Variants in DPP6 observed in about 807,000 individuals in gnomAD.
DPP6 encodes the protein dipeptidyl peptidase like 6, also known as A-type potassium channel modulatory protein DPP6.
In DPP6, 69 loss-of-function variants were observed where a neutral mutation model predicts 122.6. The ratio of observed to expected loss-of-function variants is 0.56; its 90% CI spans 0.46 to 0.69. The LOEUF is 0.69. Ranked by LOEUF, DPP6 falls within the 30% of genes least tolerant of loss-of-function variation. The pLI, the probability that DPP6 is intolerant of heterozygous loss-of-function variation, is 0.00. For missense variants in DPP6, 928 were observed against 1,116.9 expected (o/e 0.83, Z 2.41); for synonymous variants, 418 against 433.1 (o/e 0.97, Z 0.43).
Position 154,328,989 on chromosome 7 carries a change from G to A in DPP6, c.244-117225G>A, listed in dbSNP as rs79703811. Among the ~76,000 whole-genome samples, 171 of 152,324 alleles carry A rather than the reference G, an allele frequency of 1.1e-3. 4 individuals carry two copies. The East Asian group carries it at 0.029, about 26-fold the overall frequency. Reference sequence around the variant, plus strand: ...AATGTTGCTAACTGTGGATAGCTCTGTAAGTAGGGTTTTCCATCTTTCTAA... The same window carrying A: ...AATGTTGCTAACTGTGGATAGCTCTATAAGTAGGGTTTTCCATCTTTCTAA... On this transcript the variant is annotated intron_variant, in intron 1 of 25. Coordinates refer to ENST00000377770, the MANE Select transcript of DPP6 (RefSeq NM_130797.4).
intron 1 of DPP6, among the ~76,000 whole-genome samples, chr7:153,900,061 A>G (rs1204198963): frequency 3.3e-5 from 5 of 152,200 alleles, no homozygotes; most frequent in Admixed American, 2.0e-4. Flanking sequence ...CTTTAGAAGA[A>G]CAAAATCTTG....
chr7:154,843,485 C>A (rs1011129491), intron 16 of DPP6, among the ~76,000 whole-genome samples: 7 of 152,216 alleles, frequency 4.6e-5, no homozygotes, highest in African/African-American at 1.7e-4. Context: ...CAGGCAGACA[C>A]CATCTGCTTC....
chr7:154,156,120 A>T (rs1025518735), intron 1 of DPP6, among the ~76,000 whole-genome samples: 6 of 152,224 alleles, frequency 3.9e-5, no homozygotes, highest in Non-Finnish European at 5.9e-5. Context: ...GCATGAGTCA[A>T]CCAGATGCCC....
the DPP6 span, among the ~76,000 whole-genome samples, chr7:153,878,438 C>T: frequency 1.3e-5 from 2 of 151,870 alleles, no homozygotes; most frequent in African/African-American, 2.4e-5. Flanking sequence ...AATGTTCATA[C>T]CATGGAATGC....
At chr7:154,859,787 T>C (rs1803195558) in intron 17 of DPP6, among the ~76,000 whole-genome samples, 1 of 152,210 alleles carries the variant, frequency 6.6e-6, no homozygotes, top group African/African-American at 2.4e-5. Context: ...AGTGAATACA[T>C]TGCGGGCTTT....
At chr7:154,332,864 C>T (rs1045602375) in intron 1 of DPP6, among the ~76,000 whole-genome samples, 2 of 152,174 alleles carry the variant, frequency 1.3e-5, no homozygotes, top group African/African-American at 4.8e-5. Flanking sequence ...CCCAGTATCC[C>T]TGCAGTACTT....
intron 1 of DPP6, chr7:154,059,106 A>G (rs1448409182): frequency 7.1e-6 from 1 of 141,230 alleles, no homozygotes; most frequent in Non-Finnish European, 1.5e-5. Flanking sequence ...ACCCCATCGC[A>G]GGAGGGTGTG....
chr7:154,142,618 A>T (rs1000574034), intron 1 of DPP6, among the ~76,000 whole-genome samples: 14 of 152,190 alleles, frequency 9.2e-5, no homozygotes, highest in African/African-American at 3.1e-4. Flanking sequence ...TTTTCTACTC[A>T]AATGATTGTA....
intron 23 of DPP6, among the ~76,000 whole-genome samples, chr7:154,888,497 G>A (rs79614365): frequency 0.028 from 4,278 of 152,296 alleles, 90 homozygotes; most frequent in Non-Finnish European, 0.045. Context: ...CCAGCTGTGC[G>A]CAGGGAGGGA....
chr7:154,452,536 A>T (rs146831984), intron 2 of DPP6, among the ~76,000 whole-genome samples: 50 of 152,314 alleles, frequency 3.3e-4, no homozygotes, highest in African/African-American at 7.7e-4. Flanking sequence ...GTGCTTTTTT[A>T]AAAAAATAGT....
chr7:154,872,546 A>C, intron 18 of DPP6, 78 bp from the exon 19 acceptor site: 10 of 1,527,042 alleles, frequency 6.5e-6, no homozygotes, highest in Non-Finnish European at 8.8e-6. Context: ...CCTCACCCCC[A>C]CGGTCACCCA....
chr7:154,600,943 T>G (rs1361352398), intron 5 of DPP6, among the ~76,000 whole-genome samples: 2 of 117,472 alleles, frequency 1.7e-5, no homozygotes, highest in Admixed American at 9.6e-5. Context: ...AATACAAAAT[T>G]TGCCAGGCGT....
chr7:154,062,006 C>T (rs1802027665), intron 1 of DPP6, among the ~76,000 whole-genome samples: 2 of 121,228 alleles, frequency 1.6e-5, no homozygotes, highest in Non-Finnish European at 3.6e-5. Flanking sequence ...TGTTGGTACC[C>T]CCATCGCAGG....
chr7:154,225,500 T>G (rs1800540852), intron 1 of DPP6, among the ~76,000 whole-genome samples: 1 of 152,192 alleles, frequency 6.6e-6, no homozygotes, highest in African/African-American at 2.4e-5. Context: ...TTAATTCTAC[T>G]TTTTCAATCC....
At chr7:154,516,802 A>G (rs992400220) in intron 3 of DPP6, among the ~76,000 whole-genome samples, 12 of 152,180 alleles carry the variant, frequency 7.9e-5, no homozygotes, top group Admixed American at 2.0e-4. Context: ...ACAGTGATCA[A>G]TGGCCTCACT....
chr7:154,325,885 C>T (rs532015855), intron 1 of DPP6, among the ~76,000 whole-genome samples: 1 of 152,234 alleles, frequency 6.6e-6, no homozygotes, highest in Admixed American at 6.5e-5. Flanking sequence ...GAATGTCTTA[C>T]TTTTTTGGAG....
chr7:154,106,172 T>C (rs1349728546), intron 1 of DPP6, among the ~76,000 whole-genome samples: 1 of 146,956 alleles, frequency 6.8e-6, no homozygotes, highest in Non-Finnish European at 1.5e-5. Context: ...CATCTTGAGT[T>C]CCCCCAGGCT....
intron 1 of DPP6, among the ~76,000 whole-genome samples, chr7:154,230,041 C>T (rs1452666490): frequency 6.6e-6 from 1 of 152,080 alleles, no homozygotes; most frequent in Non-Finnish European, 1.5e-5. Context: ...GGGAATTGAA[C>T]ATCATAAAGG....
At chr7:154,412,486 C>T (rs987011033) in intron 1 of DPP6, among the ~76,000 whole-genome samples, 3 of 152,106 alleles carry the variant, frequency 2.0e-5, no homozygotes, top group Admixed American at 6.5e-5. Context: ...GGCCTCCCCA[C>T]CTCATTTAAC....
Sources: gnomAD v4.1 joint callset for allele counts (sites outside exome capture counted in the v4.1 genomes callset) on GRCh38, gnomAD v4.1.1 for gene constraint, MANE v1.5 for transcripts, NCBI Gene and HGNC (gene_info 2026-07-23, HGNC 2026-07-21) for gene names.